Variants in FBN3 observed in about 807,000 individuals in gnomAD.
The protein encoded by FBN3 is fibrillin-3.
FBN3 carries 234 observed loss-of-function variants against 330.1 expected under a neutral mutation model. The observed-to-expected ratio is 0.71, with a 90% CI of 0.64 to 0.79. The LOEUF (loss-of-function observed/expected upper bound fraction) is 0.79. Among genes scored for constraint, FBN3 ranks in the 30% least tolerant of loss-of-function variants. The probability of loss-of-function intolerance (pLI) is 0.00; values close to 1 mark genes in which losing one functional copy is unlikely to be tolerated. For synonymous variants in FBN3, 1,458 were observed against 1,517.3 expected (o/e 0.96, Z 0.91); for missense variants, 3,606 against 3,886.9 (o/e 0.93, Z 1.92).
chr19:8,100,871 C>T (rs774471051), intron 41 of FBN3, 30 bp downstream of exon 41: 38 of 1,599,500 alleles, frequency 2.4e-5, no homozygotes, highest in Non-Finnish European at 3.2e-5. Flanking sequence ...GGATGGGTGC[C>T]CAGGGATAGA....
At position 8,094,506 on chromosome 19, in the gene FBN3, C is replaced by T. The variant is rs1328150230; in HGVS notation, c.5845G>A (p.Glu1949Lys). ...GGACAGATGCAGCGGAAGGAGCCCTCGAGGTTCTGGCAAGTGCCGGGTAGG... is the reference window on the plus strand; with the variant it reads ...GGACAGATGCAGCGGAAGGAGCCCTTGAGGTTCTGGCAAGTGCCGGGTAGG... ...TCLPGTCQNL[E>K]GSFRCICPPG... Residue 1949 changes from glutamate to lysine, a missense_variant, in exon 47 of 64, where the codon GAG becomes AAG. Transcript: ENST00000600128. 8 of 1,613,832 alleles carry T rather than the reference C, an allele frequency of 5.0e-6. No individual in the cohort carries two copies. The highest frequency in any genetic ancestry group is 1.3e-5 in the African/African-American group (1 of 74,902).
intron 59 of FBN3, among the ~76,000 whole-genome samples, chr19:8,077,979 A>AG (rs35266585): frequency 0.62 from 93,992 of 151,818 alleles, 30,594 homozygotes; most frequent in African/African-American, 0.82. Context: ...TGGGAAGCTG[A>AG]GGCAGGAGGA....
chr19:8,135,935 T>TGC, intron 13 of FBN3, 26 bp downstream of exon 13: 29 of 1,344,148 alleles, frequency 2.2e-5, no homozygotes, highest in Middle Eastern at 2.6e-4. Flanking sequence ...CGGAAGCCCC[T>TGC]GCCCACCCGC....
At chr19:8,132,834 C>A in intron 14 of FBN3, 150 bp downstream of exon 14, 1 of 896,988 alleles carries the variant, frequency 1.1e-6, no homozygotes, top group Non-Finnish European at 1.6e-6. Context: ...TCCCCTTTTC[C>A]CTCCTCCTCC....
At chr19:8,076,247 CGT>C (rs34549426) in intron 59 of FBN3, among the ~76,000 whole-genome samples, 2,365 of 147,534 alleles carry the variant, frequency 0.016, 59 homozygotes, top group African/African-American at 0.049. Context: ...TGTCCGTGTG[CGT>C]GTGTGTGTGT....
chr19:8,109,933 C>G lies in FBN3; in HGVS notation c.4334-180G>C, dbSNP rs1311009143. 6.6e-6 allele frequency among the ~76,000 whole-genome samples: 1 copy of G among 152,236 alleles called. No individual in the cohort carries two copies. The highest frequency in any genetic ancestry group is 1.5e-5 in the Non-Finnish European group (1 of 68,048). ...AGGGGACAGGAGCCTCCAGTCTGTC[C>G]TGTCCCCTCCAACCCCATTCCCTCT... is the stretch of plus-strand genomic sequence containing the variant. On this transcript the variant is annotated intron_variant, in intron 34 of 63. Coordinates refer to ENST00000600128, the MANE Select transcript of FBN3 (RefSeq NM_032447.5). The surrounding 1 kb of genome is among the most constrained non-coding windows in gnomAD (Gnocchi z 5.2).
rs148694910 is a variant in FBN3 at position 8,102,687 on chromosome 19, G to A, written c.5089+37C>T. ...TTTCCTTAACCATTATGCTAGGAGG[G>A]GCCAGGCTGGGAAGAAGGTTGGGGA... On this transcript the variant is annotated intron_variant, in intron 40 of 63. Transcript: ENST00000600128. 862 of 1,596,320 alleles carry A rather than the reference G, an allele frequency of 5.4e-4. 4 individuals carry two copies. In the African/African-American group the frequency reaches 0.01, roughly 19 times the overall value.
At position 8,136,219 on chromosome 19, in the gene FBN3, TG is replaced by T; in HGVS notation, c.1435del (p.Gln479ArgfsTer105). The T allele has an allele frequency of 6.2e-7, 1 of 1,612,902 alleles. No homozygotes were observed. The highest frequency in any genetic ancestry group is 1.7e-5 in the Admixed American group (1 of 59,904). Reference sequence around the variant, plus strand: ...GCATGCCTGCCTGGTGGGCGTGGCCTGGAAGCCCGGGTAGCACCGGCAGTGG... The same window carrying T: ...GCATGCCTGCCTGGTGGGCGTGGCCTGAAGCCCGGGTAGCACCGGCAGTGG... ...TYHCRCYPGF[Q>X]ATPTRQACVD... On this transcript the variant is annotated frameshift_variant, in exon 12 of 64. Coordinates refer to ENST00000600128, the MANE Select transcript of FBN3 (RefSeq NM_032447.5). LOFTEE classifies it high-confidence loss of function.
intron 24 of FBN3, among the ~76,000 whole-genome samples, chr19:8,122,347 C>G (rs1189936719): frequency 6.6e-6 from 1 of 151,736 alleles, no homozygotes; most frequent in African/African-American, 2.4e-5. Flanking sequence ...TTTGCCAGCC[C>G]CTTCTTTTAT....
chr19:8,068,379 A>G (rs546243539), intron 63 of FBN3, among the ~76,000 whole-genome samples: 132 of 139,020 alleles, frequency 9.5e-4, no homozygotes, highest in African/African-American at 3.4e-3. Flanking sequence ...CGACAGAGCA[A>G]GACTCCGTCT....
chr19:8,100,010 CA>C (rs200461313), intron 41 of FBN3, among the ~76,000 whole-genome samples: 1,289 of 105,742 alleles, frequency 0.012, 15 homozygotes, highest in African/African-American at 0.03. Context: ...AACTCCATCT[CA>C]AAAAAAAAAA....
rs183964027 is a variant in FBN3 at position 8,077,169 on chromosome 19, G to C, written c.7454-1758C>G. ...GGCCAGGTTGCTACGATGGTAGGAGGGCATTGGTACAATGGCCAGAGAGCA... is the reference window on the plus strand; with the variant it reads ...GGCCAGGTTGCTACGATGGTAGGAGCGCATTGGTACAATGGCCAGAGAGCA... On this transcript the variant is annotated intron_variant, in intron 59 of 63. Coordinates refer to ENST00000600128, the MANE Select transcript of FBN3 (RefSeq NM_032447.5). 4.8e-4 allele frequency among the ~76,000 whole-genome samples: 73 copies of C among 152,312 alleles called. 1 individual carries two copies. The East Asian group carries it at 0.013, about 27-fold the overall frequency.
At chr19:8,135,936 G>GGGGGGGGGGGGGGGGGGCGC in intron 13 of FBN3, 25 bp downstream of exon 13, 3 of 668,776 alleles carry the variant, frequency 4.5e-6, no homozygotes, top group Non-Finnish European at 7.2e-6. Flanking sequence ...GGAAGCCCCT[G>GGGGGGGGGGGGGGGGGGCGC]CCCACCCGCC....
In FBN3 at chr19:8,143,816, TTTC is replaced by T. The variant is rs1206401087; in HGVS notation, c.541+1058_541+1060del. On this transcript the variant is annotated intron_variant, in intron 6 of 63. Coordinates refer to ENST00000600128, the MANE Select transcript of FBN3 (RefSeq NM_032447.5). ...CCTCTTTTCTTTCTTTCTTTCTTTC[TTTC>T]TTTTTTTTTTTTAAGAGACAGAGGG... Among the ~76,000 whole-genome samples the T allele has an allele frequency of 5.2e-4, 37 of 71,178 alleles. 1 individual carries two copies. The highest frequency in any genetic ancestry group is 9.8e-4 in the Admixed American group (6 of 6,128). The allele number at this position is 71,178 out of a possible 152,430, so 46.7% of individuals were successfully genotyped here.
At chr19:8,134,208 C>G (rs1030618477) in intron 13 of FBN3, among the ~76,000 whole-genome samples, 6 of 151,838 alleles carry the variant, frequency 4.0e-5, no homozygotes, top group Admixed American at 1.3e-4. Context: ...CGCCACTGCA[C>G]TCCAGCCTGG....
At chr19:8,137,301 CTAGATCCCTCCAACCTGGGGCCT>C (rs1283290508) in intron 10 of FBN3, among the ~76,000 whole-genome samples, 26 of 151,196 alleles carry the variant, frequency 1.7e-4, no homozygotes, top group East Asian at 5.9e-4. Context: ...AACCTGGGCC[CTAGATCCCTCCAACCTGGGGCCT>C]TAGATCCCTC....
At chr19:8,128,705 G>A (rs752832065) in intron 18 of FBN3, among the ~76,000 whole-genome samples, 5 of 152,210 alleles carry the variant, frequency 3.3e-5, no homozygotes, top group Non-Finnish European at 5.9e-5. Flanking sequence ...GTCTGAATGT[G>A]TGTCTGTGTA....
chr19:8,140,915 G>A (rs568245106), intron 8 of FBN3, among the ~76,000 whole-genome samples: 16 of 152,184 alleles, frequency 1.1e-4, no homozygotes, highest in African/African-American at 3.1e-4. Context: ...TTGGCCAGCC[G>A]GGCGCGGTGG....
rs1555721997 is a variant in FBN3, at chr19:8,068,701, CAAATAAAT to C, written c.8089-2449_8089-2442del. Among the ~76,000 whole-genome samples the C allele has an allele frequency of 4.3e-3, 551 of 127,948 alleles. 5 individuals carry two copies. The highest frequency in any genetic ancestry group is 0.014 in the African/African-American group (508 of 36,040). 83.9% of individuals were successfully genotyped at this position (127,948 alleles called of 152,430 possible). ...TGGGTGACAGAGTGAGACCTTGTCTCAAATAAATAAATAAATAAATAAATAATAAATCA... is the reference window on the plus strand; with the variant it reads ...TGGGTGACAGAGTGAGACCTTGTCTCAAATAAATAAATAAATAATAAATCA... On this transcript the variant is annotated intron_variant, in intron 63 of 63. Transcript: ENST00000600128.
Sources: gnomAD v4.1 joint callset for allele counts (sites outside exome capture counted in the v4.1 genomes callset) on GRCh38, gnomAD v4.1.1 for gene constraint, Gnocchi (gnomAD v3.1) non-coding constraint, MANE v1.5 for transcripts, NCBI Gene and HGNC (gene_info 2026-07-23, HGNC 2026-07-21) for gene names.